The following DPP6 variants were observed in gnomAD, a reference collection of about 807,000 sequenced individuals.
The protein encoded by DPP6 is dipeptidyl peptidase like 6.
In DPP6, 69 loss-of-function variants were observed where a neutral mutation model predicts 122.6. That is an observed-to-expected ratio of 0.56 (90% CI 0.46 to 0.69). The LOEUF is 0.69. DPP6 is among the 30% of genes least tolerant of loss of function. The pLI is 0.00. For missense variants in DPP6, 928 were observed against 1,116.9 expected (o/e 0.83, Z 2.41); for synonymous variants, 418 against 433.1 (o/e 0.97, Z 0.43).
chr7:154,890,999 G>A (rs1806554356), intron 25 of DPP6: 1 of 152,212 alleles, frequency 6.6e-6, no homozygotes, highest in African/African-American at 2.4e-5. Flanking sequence ...AGGCTGAGGT[G>A]CGGGGATTGC....
chr7:153,965,544 G>A (rs775670811), intron 1 of DPP6, among the ~76,000 whole-genome samples: 15 of 151,824 alleles, frequency 9.9e-5, no homozygotes, highest in South Asian at 2.1e-4. Flanking sequence ...ATGGAGTCTC[G>A]CTGTGTCCCC....
intron 1 of DPP6, among the ~76,000 whole-genome samples, chr7:154,006,887 G>A (rs1450132292): frequency 3.3e-5 from 5 of 152,254 alleles, no homozygotes; most frequent in African/African-American, 1.2e-4. Context: ...TCAGGTAAGA[G>A]TGGTATAGCA....
intron 1 of DPP6, among the ~76,000 whole-genome samples, chr7:154,170,538 C>G (rs965409513): frequency 6.6e-6 from 1 of 152,172 alleles, no homozygotes; most frequent in African/African-American, 2.4e-5. Context: ...GGCAGACGTG[C>G]CCTTTGATGT....
At chr7:153,937,518 G>A (rs961763895) in intron 1 of DPP6, among the ~76,000 whole-genome samples, 5 of 136,802 alleles carry the variant, frequency 3.7e-5, no homozygotes, top group Admixed American at 3.2e-4. Context: ...GCGCGATCTC[G>A]CCCACTGCAA....
intron 1 of DPP6, among the ~76,000 whole-genome samples, chr7:154,002,125 G>T (rs1797717345): frequency 6.6e-6 from 1 of 152,222 alleles, no homozygotes; most frequent in Non-Finnish European, 1.5e-5. Flanking sequence ...ACAAAAACAT[G>T]CAGTTTAAGA....
chr7:153,792,522 C>T, the DPP6 span, among the ~76,000 whole-genome samples: 1 of 152,134 alleles, frequency 6.6e-6, no homozygotes, highest in Non-Finnish European at 1.5e-5. Context: ...GCAACAAATT[C>T]AATTTCTCTA....
At chr7:154,042,789 G>C (rs1450597933) in intron 1 of DPP6, among the ~76,000 whole-genome samples, 1 of 152,198 alleles carries the variant, frequency 6.6e-6, no homozygotes, top group Non-Finnish European at 1.5e-5. Flanking sequence ...TTCAATGGGA[G>C]ATAGAAGAGT....
intron 7 of DPP6, among the ~76,000 whole-genome samples, chr7:154,684,732 ATC>A (rs1839498409): frequency 6.6e-6 from 1 of 152,158 alleles, no homozygotes. Context: ...ACGTACATGT[ATC>A]TATTTAATTA....
intron 7 of DPP6, among the ~76,000 whole-genome samples, chr7:154,721,198 G>A (rs923220702): frequency 9.2e-5 from 14 of 152,180 alleles, no homozygotes; most frequent in Non-Finnish European, 1.5e-4. Flanking sequence ...GTTGCAACAC[G>A]CTGTAATTAT....
chr7:153,866,964 A>G, the DPP6 span, among the ~76,000 whole-genome samples: 1 of 152,204 alleles, frequency 6.6e-6, no homozygotes, highest in Admixed American at 6.5e-5. Context: ...AGTTGTAGAT[A>G]TGTGGCATTA....
At chr7:153,934,118 C>T (rs1455603860) in intron 1 of DPP6, among the ~76,000 whole-genome samples, 13 of 152,320 alleles carry the variant, frequency 8.5e-5, no homozygotes, top group Non-Finnish European at 4.4e-5. Context: ...GGACTGCTCT[C>T]AGGGACACCA....
intron 1 of DPP6, among the ~76,000 whole-genome samples, chr7:154,312,378 C>A (rs2151000371): frequency 6.6e-6 from 1 of 152,322 alleles, no homozygotes; most frequent in South Asian, 2.1e-4. Flanking sequence ...AATGGCTTTA[C>A]AAAGCACGTT....
chr7:154,796,011 C>G (rs1416510945), intron 12 of DPP6, 128 bp downstream of exon 12: 25 of 1,403,102 alleles, frequency 1.8e-5, no homozygotes, highest in Non-Finnish European at 2.3e-5. Flanking sequence ...CAGGCAGAAA[C>G]AGACGGCGTG....
chr7:153,865,942 G>A, the DPP6 span, among the ~76,000 whole-genome samples: 1 of 151,860 alleles, frequency 6.6e-6, no homozygotes, highest in Admixed American at 6.6e-5. Context: ...TGAGAATGAT[G>A]GTTTCCAGCT....
intron 1 of DPP6, among the ~76,000 whole-genome samples, chr7:154,385,739 A>G (rs2151153442): frequency 6.6e-6 from 1 of 152,274 alleles, no homozygotes; most frequent in South Asian, 2.1e-4. Flanking sequence ...TCAAAACAGT[A>G]TCAGAATCTT....
intron 1 of DPP6, among the ~76,000 whole-genome samples, chr7:153,958,223 A>G (rs982632939): frequency 1.3e-4 from 20 of 152,162 alleles, no homozygotes; most frequent in African/African-American, 4.3e-4. Context: ...TGAACACAAT[A>G]ACTGCTTCTG....
Position 154,062,093 on chromosome 7 carries a change from C to G in DPP6, c.243+9030C>G, listed in dbSNP as rs62485604. The stretch of plus-strand genomic sequence containing the variant: ...CCCCACTGGCTCTTAGGACCCCCAT[C>G]GCAGAGGGGGGACGCACCCCCCGCG... On this transcript the variant is annotated intron_variant, in intron 1 of 25. Coordinates refer to ENST00000377770, the MANE Select transcript of DPP6 (RefSeq NM_130797.4). Among the ~76,000 whole-genome samples the G allele has an allele frequency of 3.5e-4, 35 of 101,034 alleles. 3 individuals carry two copies. The highest frequency in any genetic ancestry group is 1.1e-3 in the Admixed American group (11 of 9,996). The allele number at this position is 101,034 out of a possible 152,430, so 66.3% of individuals were successfully genotyped here.
At chr7:154,512,167 G>T (rs1826139694) in intron 3 of DPP6, among the ~76,000 whole-genome samples, 1 of 152,134 alleles carries the variant, frequency 6.6e-6, no homozygotes, top group African/African-American at 2.4e-5. Flanking sequence ...ATGTAATTGT[G>T]TTTCAATTTT....
chr7:154,876,548 T>A (rs1435210845), intron 20 of DPP6, among the ~76,000 whole-genome samples: 1 of 152,180 alleles, frequency 6.6e-6, no homozygotes, highest in African/African-American at 2.4e-5. Flanking sequence ...AGGACCTCCA[T>A]GCACATCCAG....
Sources: allele counts gnomAD v4.1 joint callset (sites outside exome capture counted in the v4.1 genomes callset), GRCh38; gene constraint gnomAD v4.1.1; transcripts MANE v1.5; gene names NCBI Gene and HGNC (gene_info 2026-07-23, HGNC 2026-07-21).